Variants in VSTM2A observed in about 807,000 individuals in gnomAD.
The protein encoded by VSTM2A is V-set and transmembrane domain-containing protein 2A.
In VSTM2A, 13 loss-of-function variants were observed where a neutral mutation model predicts 27.3. The ratio of observed to expected loss-of-function variants is 0.48; its 90% confidence interval spans 0.31 to 0.76. VSTM2A has a LOEUF of 0.76. Among genes scored for constraint, VSTM2A ranks in the 30% least tolerant of loss-of-function variants. The pLI is 0.05. For missense variants in VSTM2A, 280 were observed against 310.0 expected, an observed-to-expected ratio of 0.90 and a Z score of 0.73; for synonymous variants, 142 against 125.7, an observed-to-expected ratio of 1.13 and a Z score of -0.87.
intron 2 of VSTM2A, among the ~76,000 whole-genome samples, chr7:54,546,004 G>A (rs1787950555): frequency 1.0e-5 from 1 of 99,416 alleles, no homozygotes; most frequent in African/African-American, 4.0e-5. Flanking sequence ...GGGGAAGGGG[G>A]GAGGAAGAGA....
In VSTM2A at chr7:54,544,676, A is replaced by C. The variant is rs1787885357; in HGVS notation, c.134A>C (p.Glu45Ala). ...NVTATEGQNVEMSCAFQSGSA... is the reference protein window; with the variant it reads ...NVTATEGQNVAMSCAFQSGSA... ...ACGGCGACCGAGGGGCAGAATGTGG[A>C]GATGTCCTGCGCCTTCCAGAGCGGC... is the stretch of plus-strand genomic sequence containing the variant. The change falls in exon 2 of 5, where the codon GAG becomes GCG. Residue 45 changes from glutamate (E) to alanine (A), a missense_variant. Physicochemically the swap from Glu to Ala is moderately radical, Grantham distance 107. Coordinates refer to ENST00000402613, the MANE Select transcript of VSTM2A (RefSeq NM_001301009.2). 1.2e-6 allele frequency: 2 copies of C among 1,612,936 alleles called. No homozygotes were observed. Among genetic ancestry groups the C allele is most frequent in the African/African-American group, 2.7e-5 (2 of 75,050 alleles).
At chr7:54,568,104 A>C (rs1788778401) in intron 4 of VSTM2A, among the ~76,000 whole-genome samples, 2 of 152,246 alleles carry the variant, frequency 1.3e-5, no homozygotes, top group South Asian at 4.1e-4. Flanking sequence ...ACACTAAAGT[A>C]ACCTAGCAGA....
At chr7:54,545,955 G>T (rs1352622050) in intron 2 of VSTM2A, among the ~76,000 whole-genome samples, 1 of 26,276 alleles carries the variant, frequency 3.8e-5, no homozygotes, top group Non-Finnish European at 6.2e-5. Flanking sequence ...AGAGCAGAGA[G>T]AATGAGGGGG....
intron 4 of VSTM2A, 165 bp downstream of exon 4, chr7:54,550,335 C>T: frequency 6.9e-7 from 1 of 1,455,936 alleles, no homozygotes; most frequent in Non-Finnish European, 9.1e-7. Context: ...CACCAATTCA[C>T]TCAGAGCTCA....
At chr7:54,563,913 ATTC>A in intron 4 of VSTM2A, among the ~76,000 whole-genome samples, 1 of 152,232 alleles carries the variant, frequency 6.6e-6, no homozygotes. Flanking sequence ...ATAAAAAGAT[ATTC>A]TTCTCAAAAA....
rs776021150 is a variant in VSTM2A, at chr7:54,546,985, G to A, written c.285G>A (p.Gly95=). 6.3e-7 allele frequency: 1 copy of A among 1,588,824 alleles called. No homozygotes were observed. Among genetic ancestry groups the A allele is most frequent in the Non-Finnish European group, 8.5e-7 (1 of 1,171,268 alleles). Residue 95 remains glycine (G), a synonymous_variant, in exon 3 of 5, where the codon GGG becomes GGA. Transcript: ENST00000402613. ...CCGACAGAGACCCGGACAGCGACGGGACCAAGATCAGCGTGAGTGCGGGGC... is the reference window on the plus strand; with the variant it reads ...CCGACAGAGACCCGGACAGCGACGGAACCAAGATCAGCGTGAGTGCGGGGC... ...LLPDRDPDSD[G]TKISTVKVQG...
At chr7:54,563,901 T>C (rs953280741) in intron 4 of VSTM2A, among the ~76,000 whole-genome samples, 1 of 152,248 alleles carries the variant, frequency 6.6e-6, no homozygotes, top group African/African-American at 2.4e-5. Flanking sequence ...GTAAGCATTC[T>C]AATAAAAAGA....
chr7:54,553,321 C>T (rs1177744749), intron 4 of VSTM2A, among the ~76,000 whole-genome samples: 1 of 152,146 alleles, frequency 6.6e-6, no homozygotes, highest in Non-Finnish European at 1.5e-5. Context: ...AATAATGAAG[C>T]AAAACGGTTA....
At chr7:54,546,837 C>A in intron 2 of VSTM2A, 110 bp from the exon 3 acceptor site, 1 of 1,463,756 alleles carries the variant, frequency 6.8e-7, no homozygotes, top group South Asian at 1.3e-5. Flanking sequence ...GCTCCCCTGT[C>A]CCCAGGTCAC....
intron 3 of VSTM2A, among the ~76,000 whole-genome samples, chr7:54,548,347 AGTTT>A (rs1187187125): frequency 1.3e-5 from 2 of 152,222 alleles, no homozygotes; most frequent in African/African-American, 2.4e-5. Flanking sequence ...GGCAGAAAGT[AGTTT>A]GTTCCCTGTT....
chr7:54,564,244 T>TA (rs1158778576), intron 4 of VSTM2A, among the ~76,000 whole-genome samples: 3 of 152,200 alleles, frequency 2.0e-5, no homozygotes, highest in African/African-American at 7.2e-5. Flanking sequence ...TATTCACTTT[T>TA]ACAAAACAAA....
rs1788829271 is a variant in VSTM2A at position 54,569,582 on chromosome 7, C to T, written c.*363C>T. Reference sequence around the variant, plus strand: ...CTTTTTAGGGGAAGAACAAAACTATCAACACTGCAAGTCAACAAGGAGGAC... The same window carrying T: ...CTTTTTAGGGGAAGAACAAAACTATTAACACTGCAAGTCAACAAGGAGGAC... On this transcript the variant is annotated 3_prime_UTR_variant, in exon 5 of 5. Transcript: ENST00000402613. 5.2e-6 allele frequency: 1 copy of T among 191,154 alleles called. No homozygotes were observed. Among genetic ancestry groups the T allele is most frequent in the Non-Finnish European group, 1.1e-5 (1 of 93,050 alleles). The allele number at this position is 191,154 out of a possible 1,614,324, so 11.8% of individuals were successfully genotyped here. A position where few individuals can be genotyped will look rare whatever the true frequency, so the allele number is the denominator to read the frequency against.
intron 3 of VSTM2A, among the ~76,000 whole-genome samples, chr7:54,548,171 C>G (rs1788063673): frequency 6.6e-6 from 1 of 152,106 alleles, no homozygotes; most frequent in Admixed American, 6.5e-5. Context: ...ACCCTTCACC[C>G]GTCCCCCTAT....
At chr7:54,554,217 T>G in intron 4 of VSTM2A, 1 of 1,352,574 alleles carries the variant, frequency 7.4e-7, no homozygotes, top group Non-Finnish European at 9.9e-7. Flanking sequence ...CCTGACACTC[T>G]TACCTCTCTT....
chr7:54,554,003 T>C (rs1788272788), intron 4 of VSTM2A: 1 of 1,553,166 alleles, frequency 6.4e-7, no homozygotes, highest in Admixed American at 2.0e-5. Flanking sequence ...TGAAGCGGCT[T>C]CCTGCTCCTC....
chr7:54,553,792 A>G, intron 4 of VSTM2A: 3 of 1,535,864 alleles, frequency 2.0e-6, no homozygotes, highest in African/African-American at 1.4e-5. Context: ...ACAGGACTCA[A>G]CGCCCCTCCA....
chr7:54,546,955 C>G lies in VSTM2A; in HGVS notation c.255C>G (p.Leu85=), dbSNP rs2115787690. Residue 85 remains leucine (L), a synonymous_variant, in exon 3 of 5, where the codon CTC becomes CTG. Coordinates refer to ENST00000402613, the MANE Select transcript of VSTM2A (RefSeq NM_001301009.2). ...TCGCTCCTTGCCCGCAGGTGGAGCTCTTGCCCGACAGAGACCCGGACAGCG... is the reference window on the plus strand; with the variant it reads ...TCGCTCCTTGCCCGCAGGTGGAGCTGTTGCCCGACAGAGACCCGGACAGCG... ...GAEGAGAQVE[L]LPDRDPDSDG... is the part of the protein sequence containing the mutation. 1.3e-6 allele frequency: 2 copies of G among 1,597,614 alleles called. No individual in the cohort carries two copies. Among genetic ancestry groups the G allele is most frequent in the African/African-American group, 1.4e-5 (1 of 72,810 alleles).
chr7:54,564,230 C>CTAAT (rs2115924485), intron 4 of VSTM2A, among the ~76,000 whole-genome samples: 1 of 152,314 alleles, frequency 6.6e-6, no homozygotes, highest in African/African-American at 2.4e-5. Context: ...ATGAGCCTCA[C>CTAAT]TAATATTCAC....
intron 4 of VSTM2A, among the ~76,000 whole-genome samples, chr7:54,561,967 C>T (rs774055363): frequency 6.6e-6 from 1 of 152,016 alleles, no homozygotes; most frequent in Non-Finnish European, 1.5e-5. Flanking sequence ...CTCTGTCACC[C>T]AGGCTGGAGT....
Sources: allele counts gnomAD v4.1 joint callset (sites outside exome capture counted in the v4.1 genomes callset), GRCh38; gene constraint gnomAD v4.1.1; transcripts MANE v1.5; gene names NCBI Gene and HGNC (gene_info 2026-07-23, HGNC 2026-07-21).